Variants in TBC1D32 observed in about 807,000 individuals in gnomAD.
TBC1D32 encodes the protein protein broad-minded.
Under a neutral mutation model 170.3 loss-of-function variants are expected in TBC1D32, and 151 were observed. The observed-to-expected ratio is 0.89, with a 90% CI of 0.78 to 1.01. The LOEUF is 1.01. TBC1D32 is among the 50% of genes least tolerant of loss of function. The probability of loss-of-function intolerance (pLI) is 0.00; values close to 1 mark genes in which losing one functional copy is unlikely to be tolerated. For missense variants in TBC1D32, 1,464 were observed against 1,457.1 expected (o/e 1.00, Z -0.08); for synonymous variants, 498 against 488.0 (o/e 1.02, Z -0.27).
intron 2 of TBC1D32, among the ~76,000 whole-genome samples, chr6:121,318,253 T>C (rs1809204999): frequency 6.6e-6 from 1 of 152,110 alleles, no homozygotes; most frequent in South Asian, 2.1e-4. Context: ...AGGAAAAAGA[T>C]TCCTGAAATC....
At chr6:121,261,089 G>C (rs1241392642) in intron 15 of TBC1D32, among the ~76,000 whole-genome samples, 1 of 152,068 alleles carries the variant, frequency 6.6e-6, no homozygotes, top group African/African-American at 2.4e-5. Flanking sequence ...CTCCCTACAG[G>C]AACTCCAACA....
chr6:121,112,607 G>C lies in TBC1D32; in HGVS notation c.3222C>G (p.Phe1074Leu). Residue 1074 changes from phenylalanine to leucine, a missense_variant, in exon 29 of 32, where the codon TTC becomes TTG. Coordinates refer to ENST00000398212, the MANE Select transcript of TBC1D32 (RefSeq NM_152730.6). ...AGHDWFVSSLFMIMLGDKEKT... is the reference protein window; with the variant it reads ...AGHDWFVSSLLMIMLGDKEKT... ...TTTCTTTGTCTCCCAACATTATCAT[G>C]AACAGAGAAGATACAAACCAGTCAT... is the stretch of plus-strand genomic sequence containing the variant. 1 of 1,609,298 alleles carries C rather than the reference G, an allele frequency of 6.2e-7. No individual in the cohort carries two copies. The highest frequency in any genetic ancestry group is 8.5e-7 in the Non-Finnish European group (1 of 1,177,360).
chr6:121,155,671 G>C (rs2128239046), intron 24 of TBC1D32, among the ~76,000 whole-genome samples: 1 of 152,172 alleles, frequency 6.6e-6, no homozygotes, highest in African/African-American at 2.4e-5. Context: ...ATTATTTTGA[G>C]ATATGTTCCT....
At chr6:121,186,577 TACTA>T (rs1789237845) in intron 22 of TBC1D32, among the ~76,000 whole-genome samples, 1 of 152,102 alleles carries the variant, frequency 6.6e-6, no homozygotes. Flanking sequence ...ACAAAGACTG[TACTA>T]ACTAACCATA....
intron 22 of TBC1D32, chr6:121,170,327 C>G: frequency 7.5e-7 from 1 of 1,341,896 alleles, no homozygotes; most frequent in Non-Finnish European, 9.9e-7. Context: ...ATTAAACAAG[C>G]TATATCAAAA....
rs545786875 is a variant in TBC1D32 at position 121,131,285 on chromosome 6, C to T, written c.2899+342G>A. ...TGAATATAAAAGTGATTCAGAATAACAATGTTGATTAAAAAATCAATAAAA... is the reference window on the plus strand; with the variant it reads ...TGAATATAAAAGTGATTCAGAATAATAATGTTGATTAAAAAATCAATAAAA... On this transcript the variant is annotated intron_variant, in intron 25 of 31. Transcript: ENST00000398212. Among the ~76,000 whole-genome samples the T allele has an allele frequency of 5.4e-4, 82 of 151,058 alleles. 1 individual carries two copies. Among genetic ancestry groups the T allele is most frequent in the Middle Eastern group, 3.5e-3 (1 of 288 alleles).
At chr6:121,214,534 G>A (rs975840087) in intron 21 of TBC1D32, among the ~76,000 whole-genome samples, 2 of 152,158 alleles carry the variant, frequency 1.3e-5, no homozygotes, top group African/African-American at 4.8e-5. Flanking sequence ...AGCTCCCTGT[G>A]AGGCTGCACC....
chr6:121,205,646 G>C (rs1351252893), intron 21 of TBC1D32, among the ~76,000 whole-genome samples: 5 of 152,166 alleles, frequency 3.3e-5, no homozygotes, highest in Non-Finnish European at 7.3e-5. Context: ...TAAATCAGTG[G>C]TTTCCAACCC....
intron 26 of TBC1D32, among the ~76,000 whole-genome samples, chr6:121,117,378 T>C (rs911498605): frequency 6.6e-6 from 1 of 151,912 alleles, no homozygotes; most frequent in African/African-American, 2.4e-5. Context: ...AATGAAGACA[T>C]CAGAAAATGG....
chr6:121,145,777 G>C (rs1221287501), intron 24 of TBC1D32, among the ~76,000 whole-genome samples: 1 of 152,060 alleles, frequency 6.6e-6, no homozygotes, highest in Non-Finnish European at 1.5e-5. Flanking sequence ...TAAAAATCAG[G>C]TTCACTCAGG....
At chr6:121,107,327 G>A (rs73768904) in intron 29 of TBC1D32, among the ~76,000 whole-genome samples, 11,791 of 151,502 alleles carry the variant, frequency 0.078, 910 homozygotes, top group African/African-American at 0.21. Flanking sequence ...GTGGTTTTTC[G>A]GTTTTATCAT....
At chr6:121,140,847 T>G (rs952642564) in intron 24 of TBC1D32, among the ~76,000 whole-genome samples, 8 of 152,240 alleles carry the variant, frequency 5.3e-5, no homozygotes, top group Admixed American at 3.3e-4. Context: ...TCAAGAAGCT[T>G]TCTAACTGCA....
At chr6:121,179,260 T>C (rs949035181) in intron 22 of TBC1D32, among the ~76,000 whole-genome samples, 2 of 150,922 alleles carry the variant, frequency 1.3e-5, no homozygotes, top group South Asian at 2.1e-4. Context: ...ATTTATTTTA[T>C]ATATGAAGAC....
At chr6:121,121,441 C>G (rs985104632) in intron 26 of TBC1D32, among the ~76,000 whole-genome samples, 4 of 152,046 alleles carry the variant, frequency 2.6e-5, no homozygotes, top group Admixed American at 6.6e-5. Flanking sequence ...ATCACCCTTA[C>G]AGGAAAGATG....
intron 21 of TBC1D32, among the ~76,000 whole-genome samples, chr6:121,218,546 T>C (rs1349739028): frequency 6.6e-6 from 1 of 152,132 alleles, no homozygotes; most frequent in East Asian, 1.9e-4. Context: ...ACCCTTAATC[T>C]GGGTAGGCAC....
At chr6:121,252,516 C>G (rs1383100663) in intron 17 of TBC1D32, among the ~76,000 whole-genome samples, 1 of 152,064 alleles carries the variant, frequency 6.6e-6, no homozygotes, top group Non-Finnish European at 1.5e-5. Context: ...AGGAGTCAAA[C>G]GATGAGAACA....
At position 121,321,760 on chromosome 6, in the gene TBC1D32, C is replaced by T. The variant is rs753188911; in HGVS notation, c.190G>A (p.Gly64Ser). The change falls in exon 2 of 32, where the codon GGC (glycine) becomes AGC (serine). Residue 64 changes from glycine (G) to serine (S), a missense_variant. By Grantham distance (56) the Gly-to-Ser change is moderately conservative. Around this residue, in one of 3 missense-constraint regions of TBC1D32, gnomAD observed 1,363 missense variants for 1,338.1 expected, o/e 1.02. Transcript: ENST00000398212. ...EFVKYLRQHI[G>S]NTLGSMIEEE... ...TCAATCATAGAACCCAAAGTGTTGC[C>T]TATATGCTGCCTGAGGTATTTCACA... 1 of 1,613,438 alleles carries T rather than the reference C, an allele frequency of 6.2e-7. No homozygotes were observed. The highest frequency in any genetic ancestry group is 8.5e-7 in the Non-Finnish European group (1 of 1,179,782).
chr6:121,269,889 G>T (rs1801118067), intron 15 of TBC1D32, among the ~76,000 whole-genome samples: 1 of 152,060 alleles, frequency 6.6e-6, no homozygotes, highest in Admixed American at 6.5e-5. Context: ...AAATGTAAAA[G>T]AACAGAAATT....
At chr6:121,128,550 T>C (rs544399547) in intron 25 of TBC1D32, among the ~76,000 whole-genome samples, 1 of 152,308 alleles carries the variant, frequency 6.6e-6, no homozygotes, top group East Asian at 1.9e-4. Context: ...TAGAATATTG[T>C]TCCTCTAAAG....
Sources: allele counts gnomAD v4.1 joint callset (sites outside exome capture counted in the v4.1 genomes callset), GRCh38; gene constraint gnomAD v4.1.1; regional missense constraint gnomAD v4.1.1; transcripts MANE v1.5; gene names NCBI Gene and HGNC (gene_info 2026-07-23, HGNC 2026-07-21).